ZFP64: variants seen among roughly 807,000 people sequenced by gnomAD.
The protein encoded by ZFP64 is ZFP64 zinc finger protein.
Under a neutral mutation model 51.6 loss-of-function variants are expected in ZFP64, and 14 were observed. That is an observed-to-expected ratio of 0.27 (90% confidence interval 0.18 to 0.42). The LOEUF (loss-of-function observed/expected upper bound fraction) is 0.42. Ranked by LOEUF, ZFP64 falls within the 10% of genes least tolerant of loss-of-function variation. ZFP64 has a pLI of 1.00. For synonymous variants in ZFP64, 375 were observed against 361.4 expected, an observed-to-expected ratio of 1.04 and a Z score of -0.43; for missense variants, 754 against 906.8, an observed-to-expected ratio of 0.83 and a Z score of 2.16.
chr20:52,088,694 A>G (rs754483134), intron 7 of ZFP64: 1 of 1,610,614 alleles, frequency 6.2e-7, no homozygotes, highest in Non-Finnish European at 8.5e-7. Flanking sequence ...CAAGATGGCT[A>G]CAAAGATTTG....
chr20:52,088,447 G>A (rs1252190207), exon 8 of ZFP64: 5 of 1,614,068 alleles, frequency 3.1e-6, no homozygotes, highest in Non-Finnish European at 4.2e-6. Flanking sequence ...TGGCATAGGG[G>A]CAGAGCTGGC....
rs3746414 is a variant in ZFP64, at chr20:52,152,840, C to T, written c.1352G>A (p.Ser451Asn). 0.21 allele frequency: 341,260 copies of T among 1,614,018 alleles called. 37,715 individuals carry two copies. The highest frequency in any genetic ancestry group is 0.32 in the Admixed American group (19,179 of 60,008). ...GGTCACGTCCGAGTTCTTACTCTCACTGTACTCACTGTGCTGTCTCTTGTG... is the reference window on the plus strand; with the variant it reads ...GGTCACGTCCGAGTTCTTACTCTCATTGTACTCACTGTGCTGTCTCTTGTG... ...RSHKRQHSEY[S>N]ESKNSDVTVL... The change falls in exon 6 of 6, where the codon AGT (serine) becomes AAT (asparagine). Residue 451 changes from serine (S) to asparagine (N), a missense_variant. Physicochemically the swap from Ser to Asn is conservative, Grantham distance 46. This residue lies in a region of ZFP64 where 428 missense variants were observed against 472.4 expected (regional missense o/e 0.91). Transcript: ENST00000216923.
At chr20:52,094,308 C>G (rs1366591392) in intron 7 of ZFP64, among the ~76,000 whole-genome samples, 1 of 152,246 alleles carries the variant, frequency 6.6e-6, no homozygotes, top group Non-Finnish European at 1.5e-5. Context: ...CTGTAGTCAA[C>G]TGTTTCAGAG....
intron 5 of ZFP64, among the ~76,000 whole-genome samples, chr20:52,127,115 C>A (rs1214431919): frequency 6.6e-6 from 1 of 152,024 alleles, no homozygotes; most frequent in Non-Finnish European, 1.5e-5. Flanking sequence ...CCACACCCAG[C>A]TAATTTTTGT....
intron 2 of ZFP64, among the ~76,000 whole-genome samples, chr20:52,168,811 C>T (rs1982485835): frequency 6.6e-6 from 1 of 152,220 alleles, no homozygotes; most frequent in Non-Finnish European, 1.5e-5. Context: ...CTTCATCATG[C>T]AATATCTTGG....
intron 6 of ZFP64, among the ~76,000 whole-genome samples, chr20:52,098,154 C>T (rs1026288982): frequency 2.8e-5 from 3 of 107,690 alleles, no homozygotes; most frequent in African/African-American, 1.1e-4. Context: ...GCCTGGGCAA[C>T]AAGAGTGAAA....
chr20:52,167,093 G>A (rs6068088), intron 2 of ZFP64, among the ~76,000 whole-genome samples: 2 of 152,072 alleles, frequency 1.3e-5, no homozygotes, highest in Admixed American at 6.5e-5. Context: ...GGGAGGCTGA[G>A]GCAGGTGGAT....
intron 7 of ZFP64, among the ~76,000 whole-genome samples, chr20:52,092,377 G>T (rs1453223941): frequency 3.3e-5 from 5 of 152,084 alleles, no homozygotes; most frequent in African/African-American, 1.2e-4. Flanking sequence ...TCCCTTGGGG[G>T]GTGAAATCAT....
At position 52,186,558 on chromosome 20, in the gene ZFP64, TC is replaced by T. The variant is rs397963742; in HGVS notation, c.286+273del. Among the ~76,000 whole-genome samples the T allele has an allele frequency of 1.7e-3, 253 of 152,196 alleles. 1 individual carries two copies. The highest frequency in any genetic ancestry group is 2.9e-3 in the Non-Finnish European group (198 of 68,006). On this transcript the variant is annotated intron_variant, in intron 2 of 5. Transcript: ENST00000216923. ...GTATTTTCTGCCAGCCTTTTTTTTT[TC>T]CTATAGTATATAGATTTTTGTTTCA... is the stretch of plus-strand genomic sequence containing the variant.
intron 5 of ZFP64, among the ~76,000 whole-genome samples, chr20:52,106,252 A>T (rs1978315968): frequency 6.6e-6 from 1 of 151,838 alleles, no homozygotes; most frequent in Non-Finnish European, 1.5e-5. Context: ...CCCGAGGGAG[A>T]CCCCTCCTTG....
chr20:52,175,171 G>C (rs1219463373), intron 2 of ZFP64, among the ~76,000 whole-genome samples: 2 of 152,196 alleles, frequency 1.3e-5, no homozygotes, highest in African/African-American at 2.4e-5. Context: ...CTCCCAGGCT[G>C]GAGGGCAGTG....
chr20:52,116,818 T>C (rs6091447), intron 5 of ZFP64, among the ~76,000 whole-genome samples: 26,712 of 152,152 alleles, frequency 0.18, 2,480 homozygotes, highest in Non-Finnish European at 0.21. Flanking sequence ...GCCTGTAATC[T>C]CAGCACTTTG....
intron 3 of ZFP64, 154 bp from the exon 4 acceptor site, chr20:52,164,911 G>A (rs1982126604): frequency 7.0e-6 from 5 of 714,056 alleles, no homozygotes; most frequent in Admixed American, 2.0e-5. Flanking sequence ...TGATGACCGG[G>A]AAAAACACAC....
intron 5 of ZFP64, among the ~76,000 whole-genome samples, chr20:52,134,695 CAACAAT>C: frequency 6.6e-6 from 1 of 152,176 alleles, no homozygotes; most frequent in East Asian, 1.9e-4. Context: ...ATAACAACAA[CAACAAT>C]AACAACAGTA....
chr20:52,121,304 C>A (rs1331974219), intron 5 of ZFP64, among the ~76,000 whole-genome samples: 1 of 152,154 alleles, frequency 6.6e-6, no homozygotes, highest in East Asian at 1.9e-4. Context: ...AAAGCTGGGC[C>A]TTTTGAGTCC....
intron 5 of ZFP64, among the ~76,000 whole-genome samples, chr20:52,137,084 G>A (rs1470950727): frequency 1.3e-5 from 2 of 152,104 alleles, no homozygotes; most frequent in Admixed American, 6.6e-5. Context: ...ATTTGATATT[G>A]AAGAAATGTC....
intron 5 of ZFP64, among the ~76,000 whole-genome samples, chr20:52,106,635 C>T (rs1017760337): frequency 6.6e-6 from 1 of 152,156 alleles, no homozygotes; most frequent in Admixed American, 6.6e-5. Flanking sequence ...TTTCCTCAAA[C>T]TTCCCCTTGA....
intron 5 of ZFP64, chr20:52,110,279 C>T (rs1568951953): frequency 5.5e-6 from 2 of 366,732 alleles, no homozygotes; most frequent in East Asian, 9.1e-5. Flanking sequence ...AAAGGACTCA[C>T]AGCCAGCAGG....
chr20:52,131,383 A>T (rs930965536), intron 5 of ZFP64, among the ~76,000 whole-genome samples: 3 of 152,132 alleles, frequency 2.0e-5, no homozygotes, highest in African/African-American at 7.2e-5. Flanking sequence ...CAATAATATA[A>T]CATTGAATGT....
Sources: allele counts gnomAD v4.1 joint callset (sites outside exome capture counted in the v4.1 genomes callset), GRCh38; gene constraint gnomAD v4.1.1; regional missense constraint gnomAD v4.1.1; transcripts MANE v1.5; gene names NCBI Gene and HGNC (gene_info 2026-07-23, HGNC 2026-07-21).